XKR6: variants seen among roughly 807,000 people sequenced by gnomAD.
The protein encoded by XKR6 is XK-related protein 6.
A neutral mutation model predicts 56.7 loss-of-function variants in XKR6; 22 were observed. The observed-to-expected ratio is 0.39, with a 90% confidence interval of 0.28 to 0.55. The LOEUF (loss-of-function observed/expected upper bound fraction) is 0.55, where lower values mean the gene tolerates loss of function less well. Among genes scored for constraint, XKR6 ranks in the 20% least tolerant of loss-of-function variants. The pLI, the probability that XKR6 is intolerant of heterozygous loss-of-function variation, is 0.66. For missense variants in XKR6, 852 were observed against 889.0 expected, an observed-to-expected ratio of 0.96 and a Z score of 0.53; for synonymous variants, 524 against 387.8, an observed-to-expected ratio of 1.35 and a Z score of -4.13.
rs1454323067 is a variant in XKR6, at chr8:11,200,220, C to G, written c.764+356G>C. On this transcript the variant is annotated intron_variant, in intron 1 of 2. Coordinates refer to ENST00000416569, the MANE Select transcript of XKR6 (RefSeq NM_173683.4). The surrounding 1 kb of genome is among the most constrained non-coding windows in gnomAD (Gnocchi z 6.4). ...AGGGAAGGCTCCCCGGGGCCGCGAGCTGGGGTGCAGCCCAGGGCGCCCGCA... is the reference window on the plus strand; with the variant it reads ...AGGGAAGGCTCCCCGGGGCCGCGAGGTGGGGTGCAGCCCAGGGCGCCCGCA... Among the ~76,000 whole-genome samples, 1 of 152,154 alleles carries G rather than the reference C, an allele frequency of 6.6e-6. No homozygotes were observed. Among genetic ancestry groups the G allele is most frequent in the South Asian group, 2.1e-4 (1 of 4,832 alleles).
At chr8:11,191,301 C>G (rs1290867916) in intron 1 of XKR6, among the ~76,000 whole-genome samples, 2 of 152,150 alleles carry the variant, frequency 1.3e-5, no homozygotes, top group African/African-American at 2.4e-5. Context: ...GGCAAGGATT[C>G]CCAAAAGACA....
intron 2 of XKR6, among the ~76,000 whole-genome samples, chr8:10,911,274 T>C (rs924425229): frequency 2.8e-5 from 4 of 143,700 alleles, no homozygotes; most frequent in Non-Finnish European, 4.6e-5. Context: ...TGTATATATA[T>C]AGAGAGAGGG....
At chr8:11,176,325 G>A (rs1181717247) in intron 1 of XKR6, among the ~76,000 whole-genome samples, 3 of 152,168 alleles carry the variant, frequency 2.0e-5, no homozygotes, top group Non-Finnish European at 2.9e-5. Context: ...AATCAGAAAC[G>A]GAGGTTTAGC....
intron 1 of XKR6, among the ~76,000 whole-genome samples, chr8:11,126,860 T>C (rs1586583561): frequency 6.6e-6 from 1 of 152,148 alleles, no homozygotes; most frequent in Non-Finnish European, 1.5e-5. Context: ...ACAAGTCATG[T>C]TGGAAACTGA....
At chr8:10,935,036 T>A (rs1025538722) in intron 1 of XKR6, among the ~76,000 whole-genome samples, 1 of 91,854 alleles carries the variant, frequency 1.1e-5, no homozygotes, top group African/African-American at 5.7e-5. Flanking sequence ...TCCTGGACTC[T>A]TTTTGGTTGG....
chr8:11,103,231 T>C (rs2129176694), intron 1 of XKR6, among the ~76,000 whole-genome samples: 1 of 152,302 alleles, frequency 6.6e-6, no homozygotes, highest in South Asian at 2.1e-4. Flanking sequence ...TTACAGTGAC[T>C]TCCTAGAGAG....
intron 2 of XKR6, among the ~76,000 whole-genome samples, chr8:10,922,551 A>G (rs1012628394): frequency 2.0e-5 from 3 of 152,230 alleles, no homozygotes; most frequent in African/African-American, 7.2e-5. Flanking sequence ...ATCAATCATC[A>G]TGTGAGTCTC....
intron 1 of XKR6, among the ~76,000 whole-genome samples, chr8:11,049,781 G>C (rs1372975778): frequency 6.6e-6 from 1 of 152,174 alleles, no homozygotes. Context: ...AACCAAATCT[G>C]TTGGGCAGAA....
rs1006196974 is a variant in XKR6 at position 11,201,757 on chromosome 8, G to T, written c.-418C>A. On this transcript the variant is annotated 5_prime_UTR_variant, in exon 1 of 3. Transcript: ENST00000416569. ...CGGTCCAAAGTGATCCCTGGAGGGG[G>T]CAGTGCCAGACGTTTTGGGGTCCCC... 6.6e-6 allele frequency among the ~76,000 whole-genome samples: 1 copy of T among 152,198 alleles called. No individual in the cohort carries two copies. The highest frequency in any genetic ancestry group is 2.4e-5 in the African/African-American group (1 of 41,454).
rs33957321 is a variant in XKR6, at chr8:10,995,693, C to CAAA, written c.765-70866_765-70864dup. 2.6e-3 allele frequency among the ~76,000 whole-genome samples: 296 copies of CAAA among 114,956 alleles called. 2 individuals are homozygous for CAAA. The highest frequency in any genetic ancestry group is 8.4e-3 in the African/African-American group (283 of 33,584). The allele number at this position is 114,956 out of a possible 152,430, so 75.4% of individuals were successfully genotyped here. On this transcript the variant is annotated intron_variant, in intron 1 of 2. Coordinates refer to ENST00000416569, the MANE Select transcript of XKR6 (RefSeq NM_173683.4). ...ACAGAGTGAGACCCTATCTCCCCAC[C>CAAA]AAAAAAAAAAAAAAAAATTGAGGGC...
At chr8:10,959,596 C>G (rs1355613111) in intron 1 of XKR6, among the ~76,000 whole-genome samples, 1 of 152,112 alleles carries the variant, frequency 6.6e-6, no homozygotes, top group Admixed American at 6.5e-5. Flanking sequence ...GCTGGTGTCT[C>G]CTCGTCTTCT....
intron 1 of XKR6, among the ~76,000 whole-genome samples, chr8:11,088,517 T>A (rs1044158928): frequency 6.6e-6 from 1 of 152,200 alleles, no homozygotes; most frequent in African/African-American, 2.4e-5. Context: ...CACGCTGGAA[T>A]CTAGGCTCTC....
At chr8:10,947,220 A>AC (rs1454998321) in intron 1 of XKR6, among the ~76,000 whole-genome samples, 3 of 152,184 alleles carry the variant, frequency 2.0e-5, no homozygotes, top group Non-Finnish European at 4.4e-5. Flanking sequence ...GAAAAGAGAG[A>AC]AAATGAAGAC....
At chr8:11,065,688 A>C (rs112963796) in intron 1 of XKR6, among the ~76,000 whole-genome samples, 2,184 of 151,574 alleles carry the variant, frequency 0.014, 29 homozygotes, top group Middle Eastern at 0.082. Flanking sequence ...TTCCACGTGA[A>C]CTCCATCTTT....
intron 1 of XKR6, among the ~76,000 whole-genome samples, chr8:10,951,600 C>A (rs971611518): frequency 1.3e-5 from 2 of 152,222 alleles, no homozygotes; most frequent in African/African-American, 4.8e-5. Context: ...AGGGTCTTCA[C>A]CTGCAGAATG....
At chr8:10,924,878 G>C in intron 1 of XKR6, 48 bp from the exon 2 acceptor site, 1 of 1,564,708 alleles carries the variant, frequency 6.4e-7, no homozygotes, top group Middle Eastern at 2.0e-4. Flanking sequence ...TGGGTGCAGG[G>C]GCTCCAGAGG....
intron 1 of XKR6, among the ~76,000 whole-genome samples, chr8:11,013,373 C>G (rs1798543295): frequency 6.6e-6 from 1 of 152,134 alleles, no homozygotes; most frequent in South Asian, 2.1e-4. Context: ...AAAGTGAGAT[C>G]TAAGAACATG....
intron 1 of XKR6, among the ~76,000 whole-genome samples, chr8:11,092,258 C>A (rs970068027): frequency 6.6e-6 from 1 of 152,206 alleles, no homozygotes; most frequent in Non-Finnish European, 1.5e-5. Context: ...TTTTTCACTG[C>A]AACTCATTGT....
At chr8:11,152,578 C>G (rs564295499) in intron 1 of XKR6, among the ~76,000 whole-genome samples, 3 of 152,146 alleles carry the variant, frequency 2.0e-5, no homozygotes, top group African/African-American at 7.2e-5. Flanking sequence ...TTTCCCTGAA[C>G]GTTTGTCCTA....
Sources: allele counts gnomAD v4.1 joint callset (sites outside exome capture counted in the v4.1 genomes callset), GRCh38; gene constraint gnomAD v4.1.1; non-coding constraint Gnocchi (gnomAD v3.1); transcripts MANE v1.5; gene names NCBI Gene and HGNC (gene_info 2026-07-23, HGNC 2026-07-21).